Variants in USP9Y observed in about 807,000 individuals in gnomAD.
USP9Y encodes the protein ubiquitin specific peptidase 9 Y-linked.
A neutral mutation model predicts 53.1 loss-of-function variants in USP9Y; 41 were observed. The ratio of observed to expected loss-of-function variants is 0.77; its 90% confidence interval spans 0.60 to 1.00. USP9Y has a LOEUF of 1.00. USP9Y is among the 50% of genes least tolerant of loss of function. The pLI is 0.00. For synonymous variants in USP9Y, 220 were observed against 173.7 expected (o/e 1.27, Z -2.09); for missense variants, 567 against 535.8 (o/e 1.06, Z -0.58).
intron 13 of USP9Y, 30 bp downstream of exon 13, chrY:12,757,428 T>G: frequency 2.8e-6 from 1 of 359,979 alleles, no homozygotes; most frequent in Non-Finnish European, 4.0e-6. Context: ...TTCAGTTTTC[T>G]GACTTTCCTT....
At chrY:12,819,036 G>A in intron 33 of USP9Y, among the ~76,000 whole-genome samples, 5 of 33,100 alleles carry the variant, frequency 1.5e-4, no homozygotes, top group African/African-American at 2.4e-4. Context: ...AAAATTTGCC[G>A]GGTGTGGTGG....
At chrY:12,805,600 T>C (rs974407907) in intron 27 of USP9Y, among the ~76,000 whole-genome samples, 1 of 33,332 alleles carries the variant, frequency 3.0e-5, no homozygotes, top group African/African-American at 1.2e-4. Flanking sequence ...CCAGAAGTGT[T>C]TGCAAGGCAG....
intron 45 of USP9Y, among the ~76,000 whole-genome samples, chrY:12,858,571 C>T (rs2053579928): frequency 3.0e-5 from 1 of 33,558 alleles, no homozygotes. Context: ...GTGATCTGCC[C>T]GCCTTGGCCC....
chrY:12,789,715 G>C (rs2053505724), intron 24 of USP9Y, among the ~76,000 whole-genome samples: 1 of 33,717 alleles, frequency 3.0e-5, no homozygotes, highest in African/African-American at 1.2e-4. Context: ...AGAAGCTTTA[G>C]CCTGTCTGTG....
At chrY:12,839,609 G>T (rs757643310) in intron 35 of USP9Y, among the ~76,000 whole-genome samples, 80 of 32,178 alleles carry the variant, frequency 2.5e-3, no homozygotes, top group African/African-American at 9.0e-3. Context: ...CACAGATTTT[G>T]ATATTTATGG....
chrY:12,766,047 C>T (rs759503625), intron 15 of USP9Y, among the ~76,000 whole-genome samples: 1 of 33,718 alleles, frequency 3.0e-5, no homozygotes, highest in African/African-American at 1.2e-4. Context: ...TTAACCCATC[C>T]GGTTTTTGCT....
At position 12,805,351 on chromosome Y, in the gene USP9Y, C is replaced by A. The variant is rs755634800; in HGVS notation, c.3984-4828C>A. 2.9e-3 allele frequency among the ~76,000 whole-genome samples: 95 copies of A among 33,097 alleles called. No individual in the cohort carries two copies. The East Asian group carries it at 0.058, about 20-fold the overall frequency. 88.8% of individuals were successfully genotyped at this position (33,097 alleles called of 37,273 possible). On this transcript the variant is annotated intron_variant, in intron 27 of 45. Coordinates refer to ENST00000338981, the MANE Select transcript of USP9Y (RefSeq NM_004654.4). ...TTTTCTTTAGGTATGCTTTTTCCCCCCTTCTGTCTGCTCAAATCTGAATAG... is the reference window on the plus strand; with the variant it reads ...TTTTCTTTAGGTATGCTTTTTCCCCACTTCTGTCTGCTCAAATCTGAATAG...
intron 27 of USP9Y, among the ~76,000 whole-genome samples, chrY:12,793,744 A>C: frequency 3.0e-5 from 1 of 33,562 alleles, no homozygotes; most frequent in East Asian, 7.7e-4. Flanking sequence ...CACATAAGTG[A>C]AATCACACAA....
At chrY:12,763,297 AT>A (rs2053477037) in intron 15 of USP9Y, among the ~76,000 whole-genome samples, 2 of 32,972 alleles carry the variant, frequency 6.1e-5, no homozygotes, top group Non-Finnish European at 1.5e-4. Context: ...CCTGAATGAC[AT>A]TTTTCAAAAA....
In USP9Y at chrY:12,801,694, C is replaced by T. The variant is rs749005698; in HGVS notation, c.3984-8485C>T. Among the ~76,000 whole-genome samples, 5 of 34,095 alleles carry T rather than the reference C, an allele frequency of 1.5e-4. No homozygotes were observed. The East Asian group carries it at 3.1e-3, about 21-fold the overall frequency. The allele number at this position is 34,095 out of a possible 37,273, so 91.5% of individuals were successfully genotyped here. Reference sequence around the variant, plus strand: ...AGATAAAAATTAGAGCTTCCAAGAACAGTCTAGTGCTCACCAGTATGCTTT... The same window carrying T: ...AGATAAAAATTAGAGCTTCCAAGAATAGTCTAGTGCTCACCAGTATGCTTT... On this transcript the variant is annotated intron_variant, in intron 27 of 45. Transcript: ENST00000338981.
chrY:12,723,200 A>T lies in USP9Y; in HGVS notation c.325+1013A>T, dbSNP rs1276121876. On this transcript the variant is annotated intron_variant, in intron 5 of 45. Coordinates refer to ENST00000338981, the MANE Select transcript of USP9Y (RefSeq NM_004654.4). Reference sequence around the variant, plus strand: ...TCTTAAAAGATGAAGCCTTAATATAAAAAAAAAAAGCAACCTATGAAGAAA... The same window carrying T: ...TCTTAAAAGATGAAGCCTTAATATATAAAAAAAAAGCAACCTATGAAGAAA... 1.3e-3 allele frequency among the ~76,000 whole-genome samples: 38 copies of T among 28,494 alleles called. No homozygotes were observed. In the East Asian group the frequency reaches 0.021, roughly 16 times the overall value. 76.4% of individuals were successfully genotyped at this position (28,494 alleles called of 37,273 possible).
At chrY:12,855,122 A>G in intron 42 of USP9Y, among the ~76,000 whole-genome samples, 3 of 34,215 alleles carry the variant, frequency 8.8e-5, no homozygotes, top group African/African-American at 3.4e-4. Context: ...AACAAAAAAA[A>G]CCTAACATCT....
At chrY:12,821,013 C>G in intron 33 of USP9Y, among the ~76,000 whole-genome samples, 1 of 33,211 alleles carries the variant, frequency 3.0e-5, no homozygotes, top group African/African-American at 1.2e-4. Flanking sequence ...ACATTTTTTT[C>G]TTTTGTGGTA....
intron 15 of USP9Y, among the ~76,000 whole-genome samples, chrY:12,766,521 G>T (rs2053480061): frequency 4.2e-4 from 14 of 33,682 alleles, no homozygotes; most frequent in Non-Finnish European, 1.5e-4. Context: ...AAGCCTTCTT[G>T]TTGTGCAACC....
Position 12,738,146 on chromosome Y carries a change from A to G in USP9Y, c.1165-11A>G. On this transcript the variant is annotated splice_polypyrimidine_tract_variant and intron_variant, in intron 10 of 45. Transcript: ENST00000338981. Reference sequence around the variant, plus strand: ...TTTAGTTTCAGCATTGAATTTTTGTATTACATTTAGGAATGGATACAGCAA... The same window carrying G: ...TTTAGTTTCAGCATTGAATTTTTGTGTTACATTTAGGAATGGATACAGCAA... 5.3e-6 allele frequency: 2 copies of G among 379,388 alleles called. No homozygotes were observed. The highest frequency in any genetic ancestry group is 6.4e-4 in the Middle Eastern group (1 of 1,565). 94.6% of individuals were successfully genotyped at this position (379,388 alleles called of 400,897 possible).
chrY:12,833,696 G>A lies in USP9Y; in HGVS notation c.5030G>A (p.Gly1677Asp). 1 of 397,738 alleles carries A rather than the reference G, an allele frequency of 2.5e-6. No homozygotes were observed. The highest frequency in any genetic ancestry group is 3.5e-6 in the Non-Finnish European group (1 of 282,954). ...RGFWKQFRLW[G>D]EPVNLREQHD... Reference sequence around the variant, plus strand: ...TTTCCTTTCCTTCTTAGGCTTTGGGGTGAACCTGTTAATCTCCGTGAACAA... The same window carrying A: ...TTTCCTTTCCTTCTTAGGCTTTGGGATGAACCTGTTAATCTCCGTGAACAA... Residue 1677 changes from glycine (G) to aspartate (D), a missense_variant, in exon 34 of 46, where the codon GGT becomes GAT. Transcript: ENST00000338981.
intron 1 of USP9Y, among the ~76,000 whole-genome samples, chrY:12,703,825 C>A: frequency 3.0e-5 from 1 of 33,269 alleles, no homozygotes; most frequent in African/African-American, 1.2e-4. Flanking sequence ...GTTTACAATC[C>A]TTTAGCTAGA....
chrY:12,754,107 T>A, intron 12 of USP9Y, among the ~76,000 whole-genome samples: 2 of 31,371 alleles, frequency 6.4e-5, no homozygotes, highest in African/African-American at 2.5e-4. Context: ...AGCATATATA[T>A]GCAAACAGGC....
At chrY:12,703,339 C>G (rs2053417568) in intron 1 of USP9Y, among the ~76,000 whole-genome samples, 1 of 33,313 alleles carries the variant, frequency 3.0e-5, no homozygotes, top group South Asian at 7.0e-4. Flanking sequence ...AGCTGCGGAC[C>G]CTCGCGGTGA....
Sources: allele counts gnomAD v4.1 joint callset (sites outside exome capture counted in the v4.1 genomes callset), GRCh38; gene constraint gnomAD v4.1.1; transcripts MANE v1.5; gene names NCBI Gene and HGNC (gene_info 2026-07-23, HGNC 2026-07-21).